LRRC52: variants seen among roughly 807,000 people sequenced by gnomAD.
LRRC52 encodes leucine-rich repeat-containing protein 52.
In LRRC52, 15 loss-of-function variants were observed where a neutral mutation model predicts 14.7. The ratio of observed to expected loss-of-function variants is 1.02; its 90% CI spans 0.68 to 1.58. The LOEUF (loss-of-function observed/expected upper bound fraction) is 1.58. Ranked by LOEUF, LRRC52 falls within the 40% of genes most tolerant of loss-of-function variation. LRRC52 has a pLI of 0.00. For missense variants in LRRC52, 400 were observed against 387.7 expected (o/e 1.03, Z -0.27); for synonymous variants, 180 against 163.9 (o/e 1.10, Z -0.75).
At chr1:165,552,348 GCTCAT>G (rs752011403) in intron 1 of LRRC52, among the ~76,000 whole-genome samples, 6 of 152,196 alleles carry the variant, frequency 3.9e-5, no homozygotes, top group South Asian at 2.1e-4. Flanking sequence ...ACCTCAGTTT[GCTCAT>G]CTTTAAAGGT....
chr1:165,562,423 A>G lies in LRRC52; in HGVS notation c.623-1082A>G, dbSNP rs532674223. Among the ~76,000 whole-genome samples, 8 of 152,338 alleles carry G rather than the reference A, an allele frequency of 5.3e-5. No homozygotes were observed. The South Asian group carries it at 1.7e-3, about 32-fold the overall frequency. ...GCACATCACACAAGCACTCAGCCTC[A>G]GCATGGAAGAGTATATGGAGTTAGA... is the stretch of plus-strand genomic sequence containing the variant. On this transcript the variant is annotated intron_variant, in intron 1 of 1. Coordinates refer to ENST00000294818, the MANE Select transcript of LRRC52 (RefSeq NM_001005214.4).
chr1:165,548,904 C>A (rs1230463984), intron 1 of LRRC52, among the ~76,000 whole-genome samples: 1 of 152,142 alleles, frequency 6.6e-6, no homozygotes, highest in Non-Finnish European at 1.5e-5. Flanking sequence ...CCTAGATAAG[C>A]AGTGGACTTC....
intron 1 of LRRC52, among the ~76,000 whole-genome samples, chr1:165,545,565 G>C (rs1285071956): frequency 6.6e-6 from 1 of 152,090 alleles, no homozygotes; most frequent in Non-Finnish European, 1.5e-5. Flanking sequence ...TGAATCAATG[G>C]AGAAAGGGTC....
In LRRC52 at chr1:165,563,671, C is replaced by A; in HGVS notation, c.789C>A (p.Ala263=). The change falls in exon 2 of 2, where the codon GCC becomes GCA. Residue 263 remains alanine, a synonymous_variant. Coordinates refer to ENST00000294818, the MANE Select transcript of LRRC52 (RefSeq NM_001005214.4). ...FCIFAAGTVA[A]WLTGVCAVLY... Reference sequence around the variant, plus strand: ...TCTTCGCCGCGGGAACTGTGGCTGCCTGGCTCACAGGTGTGTGTGCTGTGC... The same window carrying A: ...TCTTCGCCGCGGGAACTGTGGCTGCATGGCTCACAGGTGTGTGTGCTGTGC... 1 of 1,614,196 alleles carries A rather than the reference C, an allele frequency of 6.2e-7. No individual in the cohort carries two copies. Among genetic ancestry groups the A allele is most frequent in the South Asian group, 1.1e-5 (1 of 91,086 alleles).
chr1:165,556,387 A>AGG lies in LRRC52; in HGVS notation c.623-7112_623-7111dup, dbSNP rs34104986. 4.2e-4 allele frequency among the ~76,000 whole-genome samples: 64 copies of AGG among 152,092 alleles called. No homozygotes were observed. In the South Asian group the frequency reaches 6.6e-3, roughly 16 times the overall value. ...TAAAAATCTATAGACTCTATATACA[A>AGG]GGGGGGGAAATTGTGAATACCAGAT... is the stretch of plus-strand genomic sequence containing the variant. On this transcript the variant is annotated intron_variant, in intron 1 of 1. Coordinates refer to ENST00000294818, the MANE Select transcript of LRRC52 (RefSeq NM_001005214.4).
intron 1 of LRRC52, among the ~76,000 whole-genome samples, chr1:165,559,250 G>A (rs189925575): frequency 1.8e-3 from 267 of 152,246 alleles, no homozygotes; most frequent in South Asian, 3.3e-3. Context: ...TTAGCTGGGC[G>A]TGGTGGCGTG....
chr1:165,551,051 G>A (rs1213558007), intron 1 of LRRC52, among the ~76,000 whole-genome samples: 1 of 152,200 alleles, frequency 6.6e-6, no homozygotes, highest in East Asian at 1.9e-4. Context: ...AGCAAGTGCA[G>A]AGTGGCAAGT....
chr1:165,556,624 C>T (rs1661240333), intron 1 of LRRC52, among the ~76,000 whole-genome samples: 1 of 152,218 alleles, frequency 6.6e-6, no homozygotes, highest in African/African-American at 2.4e-5. Flanking sequence ...AAGCTGTGTT[C>T]CAATAAAACT....
chr1:165,547,259 C>T (rs968394943), intron 1 of LRRC52, among the ~76,000 whole-genome samples: 5 of 152,072 alleles, frequency 3.3e-5, no homozygotes, highest in African/African-American at 1.2e-4. Context: ...CTCGTAAATC[C>T]TCAAATTACA....
chr1:165,554,426 GGTT>G lies in LRRC52; in HGVS notation c.623-9054_623-9052del, dbSNP rs140256565. Among the ~76,000 whole-genome samples, 230 of 150,588 alleles carry G rather than the reference GGTT, an allele frequency of 1.5e-3. 3 individuals are homozygous for G. Among genetic ancestry groups the G allele is most frequent in the African/African-American group, 4.0e-3 (163 of 41,046 alleles). ...GCATGACCCATATGCAATGATAGGT[GGTT>G]GTTGTTGTTGTTGTTGTTGTTGTTT... On this transcript the variant is annotated intron_variant, in intron 1 of 1. Coordinates refer to ENST00000294818, the MANE Select transcript of LRRC52 (RefSeq NM_001005214.4).
chr1:165,550,263 A>C (rs1357417467), intron 1 of LRRC52, among the ~76,000 whole-genome samples: 2 of 152,188 alleles, frequency 1.3e-5, no homozygotes, highest in African/African-American at 4.8e-5. Context: ...TAAGCTCCAA[A>C]ACATACAAAA....
At chr1:165,551,530 A>G (rs1661131302) in intron 1 of LRRC52, among the ~76,000 whole-genome samples, 2 of 152,334 alleles carry the variant, frequency 1.3e-5, no homozygotes, top group Non-Finnish European at 2.9e-5. Context: ...GTGACAGGCT[A>G]CCAGGGGCTA....
intron 1 of LRRC52, among the ~76,000 whole-genome samples, chr1:165,558,762 A>G (rs1189142791): frequency 6.6e-6 from 1 of 151,264 alleles, no homozygotes; most frequent in African/African-American, 2.5e-5. Context: ...CAAATATATC[A>G]GTAATTACAT....
At chr1:165,558,771 AT>A (rs143582600) in intron 1 of LRRC52, among the ~76,000 whole-genome samples, 5,652 of 152,344 alleles carry the variant, frequency 0.037, 382 homozygotes, top group African/African-American at 0.13. Context: ...CAGTAATTAC[AT>A]TTAATGTCAA....
chr1:165,545,378 A>C (rs1217133267), intron 1 of LRRC52, among the ~76,000 whole-genome samples: 1 of 152,228 alleles, frequency 6.6e-6, no homozygotes, highest in Non-Finnish European at 1.5e-5. Context: ...ATCAAAAAGT[A>C]AATTCAGTCA....
At chr1:165,546,109 C>G (rs1661015695) in intron 1 of LRRC52, among the ~76,000 whole-genome samples, 1 of 152,036 alleles carries the variant, frequency 6.6e-6, no homozygotes, top group African/African-American at 2.4e-5. Flanking sequence ...AAAACGTGCC[C>G]TCCTGGCTTC....
At chr1:165,556,005 T>G (rs1661226005) in intron 1 of LRRC52, among the ~76,000 whole-genome samples, 1 of 152,266 alleles carries the variant, frequency 6.6e-6, no homozygotes. Context: ...AGCCCCACCA[T>G]GCAGCTTGTT....
At chr1:165,561,833 G>A (rs186194276) in intron 1 of LRRC52, among the ~76,000 whole-genome samples, 13 of 152,352 alleles carry the variant, frequency 8.5e-5, no homozygotes, top group Admixed American at 6.5e-4. Flanking sequence ...AGAAGCAAGA[G>A]GCAAGTATTG....
At chr1:165,561,365 T>C (rs1571113758) in intron 1 of LRRC52, among the ~76,000 whole-genome samples, 1 of 152,212 alleles carries the variant, frequency 6.6e-6, no homozygotes, top group African/African-American at 2.4e-5. Context: ...CTCAAATACA[T>C]CTTTCTTTGA....
Sources: gnomAD v4.1 joint callset for allele counts (sites outside exome capture counted in the v4.1 genomes callset) on GRCh38, gnomAD v4.1.1 for gene constraint, MANE v1.5 for transcripts, NCBI Gene and HGNC (gene_info 2026-07-23, HGNC 2026-07-21) for gene names.